USP15: variants seen among roughly 807,000 people sequenced by gnomAD.
The protein encoded by USP15 is ubiquitin carboxyl-terminal hydrolase 15.
In USP15, 18 loss-of-function variants were observed where a neutral mutation model predicts 127.1. That is an observed-to-expected ratio of 0.14 (90% CI 0.10 to 0.21). The LOEUF (loss-of-function observed/expected upper bound fraction) is 0.21, where lower values mean the gene tolerates loss of function less well. USP15 is among the 10% of genes least tolerant of loss of function. The probability of loss-of-function intolerance (pLI) is 1.00; values close to 1 mark genes in which losing one functional copy is unlikely to be tolerated. For missense variants in USP15, 805 were observed against 1,159.9 expected (o/e 0.69, Z 4.44); for synonymous variants, 364 against 393.7 (o/e 0.92, Z 0.89).
At chr12:62,353,742 TA>T (rs2066032096) in intron 7 of USP15, among the ~76,000 whole-genome samples, 2 of 152,024 alleles carry the variant, frequency 1.3e-5, no homozygotes, top group Non-Finnish European at 2.9e-5. Flanking sequence ...ATAATCCAAT[TA>T]TGAGCGAAAA....
intron 3 of USP15, among the ~76,000 whole-genome samples, chr12:62,306,394 A>G (rs2064484431): frequency 2.0e-5 from 3 of 152,176 alleles, no homozygotes; most frequent in Admixed American, 1.3e-4. Flanking sequence ...ATGAAAGCTT[A>G]AAGGGCCTTA....
chr12:62,273,345 T>G (rs112176468), intron 1 of USP15, among the ~76,000 whole-genome samples: 3 of 152,194 alleles, frequency 2.0e-5, no homozygotes, highest in African/African-American at 4.8e-5. Flanking sequence ...CCTTGATTGC[T>G]TACTTTTCCT....
At chr12:62,384,352 T>C in intron 11 of USP15, 50 bp downstream of exon 11, 1 of 1,328,262 alleles carries the variant, frequency 7.5e-7, no homozygotes, top group Non-Finnish European at 1.0e-6. Flanking sequence ...TTTTTGCATT[T>C]GTTATTTTTA....
intron 11 of USP15, among the ~76,000 whole-genome samples, chr12:62,387,432 A>G (rs2067187399): frequency 6.6e-6 from 1 of 152,176 alleles, no homozygotes; most frequent in African/African-American, 2.4e-5. Flanking sequence ...AATTGAGAAG[A>G]AGGCTAAAGA....
chr12:62,389,023 G>C (rs979157989), intron 11 of USP15, among the ~76,000 whole-genome samples: 1 of 152,170 alleles, frequency 6.6e-6, no homozygotes, highest in Admixed American at 6.5e-5. Flanking sequence ...TACGCAAGAG[G>C]CTGAATTCGG....
chr12:62,381,387 C>G (rs1215088093), intron 8 of USP15, 103 bp from the exon 9 acceptor site: 2 of 976,882 alleles, frequency 2.0e-6, no homozygotes, highest in Admixed American at 2.9e-5. Flanking sequence ...TAAATGTTCT[C>G]TGTGTTATAG....
intron 4 of USP15, 69 bp from the exon 5 acceptor site, chr12:62,321,395 A>C: frequency 1.1e-6 from 1 of 938,094 alleles, no homozygotes; most frequent in Admixed American, 4.0e-5. Flanking sequence ...TGTGCTGGTA[A>C]CATTTAGCTG....
chr12:62,325,976 G>T, intron 6 of USP15, 43 bp downstream of exon 6: 1 of 1,528,516 alleles, frequency 6.5e-7, no homozygotes, highest in Non-Finnish European at 9.0e-7. Flanking sequence ...TGATTTTGAA[G>T]CCCTTGATGC....
chr12:62,290,711 AT>A (rs2063938041), intron 1 of USP15, among the ~76,000 whole-genome samples: 1 of 152,000 alleles, frequency 6.6e-6, no homozygotes, highest in East Asian at 1.9e-4. Context: ...AGACCTGTGG[AT>A]TTTTTACTTT....
intron 1 of USP15, chr12:62,279,076 TA>T (rs2063575584): frequency 6.6e-6 from 1 of 152,168 alleles, no homozygotes; most frequent in Non-Finnish European, 1.5e-5. Context: ...TATTGTTAAC[TA>T]TAGGCACAAT....
At chr12:62,273,606 T>C (rs2063400850) in intron 1 of USP15, among the ~76,000 whole-genome samples, 1 of 152,096 alleles carries the variant, frequency 6.6e-6, no homozygotes, top group Non-Finnish European at 1.5e-5. Flanking sequence ...TAAGAATATA[T>C]ATAAACAAAA....
At chr12:62,388,117 A>ATTTTTTTT (rs58192089) in intron 11 of USP15, among the ~76,000 whole-genome samples, 33 of 106,592 alleles carry the variant, frequency 3.1e-4, no homozygotes, top group Admixed American at 3.6e-4. Flanking sequence ...AATGGTGAAG[A>ATTTTTTTT]TTTTTTTTTT....
rs1177908582 is a variant in USP15 at position 62,405,268 on chromosome 12, A to G, written c.*893A>G. On this transcript the variant is annotated 3_prime_UTR_variant, in exon 22 of 22. Coordinates refer to ENST00000280377, the MANE Select transcript of USP15 (RefSeq NM_001252078.2). Reference sequence around the variant, plus strand: ...GTAATATAAGGACAGACATAATAGTATTCTGTACCCATAGTAATAATTGCA... The same window carrying G: ...GTAATATAAGGACAGACATAATAGTGTTCTGTACCCATAGTAATAATTGCA... 6.6e-6 allele frequency: 1 copy of G among 152,166 alleles called. No homozygotes were observed. Among genetic ancestry groups the G allele is most frequent in the Non-Finnish European group, 1.5e-5 (1 of 68,010 alleles). 9.4% of individuals were successfully genotyped at this position (152,166 alleles called of 1,614,324 possible). A position where few individuals can be genotyped will look rare whatever the true frequency, so the allele number is the denominator to read the frequency against.
chr12:62,361,776 C>T (rs1418209560), intron 8 of USP15, among the ~76,000 whole-genome samples: 2 of 151,890 alleles, frequency 1.3e-5, no homozygotes, highest in African/African-American at 4.8e-5. Flanking sequence ...TCAAGCAGCT[C>T]ATTTTTTTGA....
At chr12:62,370,007 G>A (rs549122660) in intron 8 of USP15, among the ~76,000 whole-genome samples, 12 of 152,092 alleles carry the variant, frequency 7.9e-5, no homozygotes, top group South Asian at 4.2e-4. Context: ...ACGGAGTCTC[G>A]CTGTATCACC....
chr12:62,398,832 C>A (rs147391181), intron 20 of USP15, among the ~76,000 whole-genome samples: 7 of 152,182 alleles, frequency 4.6e-5, no homozygotes, highest in African/African-American at 1.7e-4. Flanking sequence ...TTTTTGTGTT[C>A]ATTTTATTCC....
chr12:62,385,122 G>A (rs2067108098), intron 11 of USP15, among the ~76,000 whole-genome samples: 1 of 151,858 alleles, frequency 6.6e-6, no homozygotes. Context: ...TGAAGACAGA[G>A]ACCTTGTAAA....
intron 2 of USP15, among the ~76,000 whole-genome samples, chr12:62,302,300 A>G (rs999619233): frequency 3.9e-5 from 6 of 152,180 alleles, no homozygotes; most frequent in African/African-American, 1.4e-4. Flanking sequence ...CTGCTACTCA[A>G]AATATGTGGG....
rs1233687517 is a variant in USP15 at position 62,312,264 on chromosome 12, T to G, written c.349-2526T>G. The G allele has an allele frequency of 8.8e-6, 3 of 341,262 alleles. No homozygotes were observed. The East Asian group carries it at 2.8e-4, about 32-fold the overall frequency. The allele number at this position is 341,262 out of a possible 1,614,324, so 21.1% of individuals were successfully genotyped here. On this transcript the variant is annotated intron_variant, in intron 3 of 21. Transcript: ENST00000280377. ...GTACTAGATTTTTTTAGAAATTACTTATATTTCTCTTCCCATTTCAGGGAG... is the reference window on the plus strand; with the variant it reads ...GTACTAGATTTTTTTAGAAATTACTGATATTTCTCTTCCCATTTCAGGGAG...
Sources: allele counts gnomAD v4.1 joint callset (sites outside exome capture counted in the v4.1 genomes callset), GRCh38; gene constraint gnomAD v4.1.1; transcripts MANE v1.5; gene names NCBI Gene and HGNC (gene_info 2026-07-23, HGNC 2026-07-21).